Variants in ADIPOR2 observed in about 807,000 individuals in gnomAD.
ADIPOR2 encodes the protein adiponectin receptor protein 2.
Under a neutral mutation model 40.9 loss-of-function variants are expected in ADIPOR2, and 18 were observed. The observed-to-expected ratio is 0.44, with a 90% CI of 0.30 to 0.65. The LOEUF (loss-of-function observed/expected upper bound fraction) is 0.65, where lower values mean the gene tolerates loss of function less well. Ranked by LOEUF, ADIPOR2 falls within the 30% of genes least tolerant of loss-of-function variation. The probability of loss-of-function intolerance (pLI) is 0.09; values close to 1 mark genes in which losing one functional copy is unlikely to be tolerated. For missense variants in ADIPOR2, 283 were observed against 479.2 expected (o/e 0.59, Z 3.82); for synonymous variants, 165 against 166.4 (o/e 0.99, Z 0.06).
At chr12:1,748,559 T>C (rs2094762045) in intron 1 of ADIPOR2, among the ~76,000 whole-genome samples, 2 of 152,162 alleles carry the variant, frequency 1.3e-5, no homozygotes, top group Non-Finnish European at 2.9e-5. Context: ...GCGTTTTACA[T>C]TTAAGTCTAT....
At position 1,741,751 on chromosome 12, in the gene ADIPOR2, T is replaced by C. The variant is rs2094743349; in HGVS notation, c.-86-12507T>C. ...GGAATGAAAAAGCCCTGGAGAGTATTGTAAAATAACAAATGTCAGGTTTGA... is the reference window on the plus strand; with the variant it reads ...GGAATGAAAAAGCCCTGGAGAGTATCGTAAAATAACAAATGTCAGGTTTGA... On this transcript the variant is annotated intron_variant, in intron 1 of 7. Coordinates refer to ENST00000357103, the MANE Select transcript of ADIPOR2 (RefSeq NM_024551.3). 5.3e-5 allele frequency among the ~76,000 whole-genome samples: 8 copies of C among 152,304 alleles called. No homozygotes were observed. In the South Asian group the frequency reaches 1.7e-3, roughly 32 times the overall value.
intron 2 of ADIPOR2, among the ~76,000 whole-genome samples, chr12:1,764,685 A>C (rs560719596): frequency 2.6e-5 from 4 of 152,076 alleles, no homozygotes; most frequent in African/African-American, 9.7e-5. Flanking sequence ...TTACCTCCTC[A>C]TAGTAACTGC....
rs993958123 is a variant in ADIPOR2 at position 1,787,184 on chromosome 12, G to C, written c.*1112G>C. The C allele has an allele frequency of 6.6e-6, 1 of 152,200 alleles. No individual in the cohort carries two copies. The highest frequency in any genetic ancestry group is 1.5e-5 in the Non-Finnish European group (1 of 68,042). The allele number at this position is 152,200 out of a possible 1,614,324, so 9.4% of individuals were successfully genotyped here. Reference sequence around the variant, plus strand: ...AGGGAATAGAAATGGACCTTTCTCTGACATAGTTCTTGGCATGGGAGCCAG... The same window carrying C: ...AGGGAATAGAAATGGACCTTTCTCTCACATAGTTCTTGGCATGGGAGCCAG... On this transcript the variant is annotated 3_prime_UTR_variant, in exon 8 of 8. Coordinates refer to ENST00000357103, the MANE Select transcript of ADIPOR2 (RefSeq NM_024551.3).
chr12:1,773,125 A>G (rs763255208), intron 3 of ADIPOR2, among the ~76,000 whole-genome samples, 164 bp downstream of exon 3: 3 of 152,242 alleles, frequency 2.0e-5, no homozygotes, highest in Non-Finnish European at 4.4e-5. Flanking sequence ...TGTTGAAGAC[A>G]GAATACATTT....
At chr12:1,710,086 G>C (rs2094673139) in intron 1 of ADIPOR2, among the ~76,000 whole-genome samples, 1 of 152,208 alleles carries the variant, frequency 6.6e-6, no homozygotes, top group Non-Finnish European at 1.5e-5. Context: ...AAATGCACCA[G>C]TCAGTGCTCT....
At chr12:1,748,295 C>T (rs576367431) in intron 1 of ADIPOR2, among the ~76,000 whole-genome samples, 2 of 152,130 alleles carry the variant, frequency 1.3e-5, no homozygotes, top group Non-Finnish European at 2.9e-5. Flanking sequence ...GTCGCCCAGG[C>T]TGGAGTGCAG....
rs542304468 is a variant in ADIPOR2 at position 1,761,652 on chromosome 12, C to T, written c.171+7138C>T. Among the ~76,000 whole-genome samples the T allele has an allele frequency of 2.0e-5, 3 of 152,300 alleles. No homozygotes were observed. In the East Asian group the frequency reaches 5.8e-4, roughly 29 times the overall value. ...TTTAGCTCAGGATTTTAAGTATTAACCTCTTTGAGGAATTTGGAAATAGAA... is the reference window on the plus strand; with the variant it reads ...TTTAGCTCAGGATTTTAAGTATTAATCTCTTTGAGGAATTTGGAAATAGAA... On this transcript the variant is annotated intron_variant, in intron 2 of 7. Coordinates refer to ENST00000357103, the MANE Select transcript of ADIPOR2 (RefSeq NM_024551.3).
intron 1 of ADIPOR2, among the ~76,000 whole-genome samples, chr12:1,710,199 A>C (rs947270931): frequency 3.9e-5 from 6 of 152,178 alleles, no homozygotes; most frequent in African/African-American, 1.4e-4. Context: ...GGGCGGGGAT[A>C]AATAAGGGAA....
At chr12:1,754,698 A>AC (rs1355552455) in intron 2 of ADIPOR2, among the ~76,000 whole-genome samples, 184 bp downstream of exon 2, 701 of 68,888 alleles carry the variant, frequency 0.01, 3 homozygotes, top group South Asian at 0.024. Flanking sequence ...TATTATTATT[A>AC]TTACTACTAC....
intron 7 of ADIPOR2, 121 bp downstream of exon 7, chr12:1,784,194 A>C: frequency 9.0e-7 from 1 of 1,112,196 alleles, no homozygotes; most frequent in Non-Finnish European, 1.2e-6. Context: ...CCTGGTCCTA[A>C]CTCCCTATTG....
chr12:1,701,542 TTG>T (rs1161191798), intron 1 of ADIPOR2, among the ~76,000 whole-genome samples: 5 of 152,220 alleles, frequency 3.3e-5, no homozygotes, highest in African/African-American at 1.2e-4. Flanking sequence ...ATTCTATAAT[TTG>T]TCTTTCATGA....
At chr12:1,738,915 T>A (rs1358237156) in intron 1 of ADIPOR2, among the ~76,000 whole-genome samples, 2 of 152,238 alleles carry the variant, frequency 1.3e-5, no homozygotes, top group African/African-American at 2.4e-5. Flanking sequence ...AAAAGTCTGT[T>A]AAACGTATTT....
At chr12:1,721,354 T>G (rs954141856) in intron 1 of ADIPOR2, among the ~76,000 whole-genome samples, 8 of 151,768 alleles carry the variant, frequency 5.3e-5, no homozygotes, top group African/African-American at 1.9e-4. Context: ...TAGCTGGGAT[T>G]ACAGGCACAT....
chr12:1,742,005 TAAA>T (rs71055190), intron 1 of ADIPOR2, among the ~76,000 whole-genome samples: 2 of 146,514 alleles, frequency 1.4e-5, no homozygotes. Context: ...ACTGAAAAGT[TAAA>T]AAAAAAAAAA....
At chr12:1,780,213 C>T in intron 4 of ADIPOR2, 1 of 375,604 alleles carries the variant, frequency 2.7e-6, no homozygotes, top group Non-Finnish European at 4.7e-6. Flanking sequence ...AGATTATGCC[C>T]TTAGATAAGT....
chr12:1,748,884 T>C (rs1358165671), intron 1 of ADIPOR2, among the ~76,000 whole-genome samples: 2 of 151,946 alleles, frequency 1.3e-5, no homozygotes, highest in East Asian at 3.9e-4. Context: ...CTAATTCAGT[T>C]CGACACTATC....
At chr12:1,730,222 GTT>G (rs74261157) in intron 1 of ADIPOR2, among the ~76,000 whole-genome samples, 1 of 140,394 alleles carries the variant, frequency 7.1e-6, no homozygotes, top group African/African-American at 2.6e-5. Context: ...GGGTATTAAA[GTT>G]TTTTTTTTTT....
chr12:1,783,023 A>T, intron 6 of ADIPOR2, among the ~76,000 whole-genome samples: 2 of 93,834 alleles, frequency 2.1e-5, no homozygotes, highest in East Asian at 2.9e-4. Flanking sequence ...CTTGCTTTGT[A>T]GCCCAGGCTG....
rs1862090677 is a variant in ADIPOR2 at position 1,754,867 on chromosome 12, AC to A, written c.171+355del. ...CCTGCCTCGACTACAGGTACATGCCACCATGCCAGGCTAATTTTTGTAGCTT... is the reference window on the plus strand; with the variant it reads ...CCTGCCTCGACTACAGGTACATGCCACATGCCAGGCTAATTTTTGTAGCTT... On this transcript the variant is annotated intron_variant, in intron 2 of 7. Transcript: ENST00000357103. 3.5e-5 allele frequency among the ~76,000 whole-genome samples: 2 copies of A among 57,714 alleles called. 1 individual carries two copies. Among genetic ancestry groups the A allele is most frequent in the African/African-American group, 7.1e-5 (2 of 28,248 alleles). The allele number at this position is 57,714 out of a possible 152,430, so 37.9% of individuals were successfully genotyped here.
Sources: allele counts gnomAD v4.1 joint callset (sites outside exome capture counted in the v4.1 genomes callset), GRCh38; gene constraint gnomAD v4.1.1; transcripts MANE v1.5; gene names NCBI Gene and HGNC (gene_info 2026-07-23, HGNC 2026-07-21).